Variants in TOM1L2 observed in about 807,000 individuals in gnomAD.
TOM1L2 encodes the protein TOM1-like protein 2.
Under a neutral mutation model 67.9 loss-of-function variants are expected in TOM1L2, and 31 were observed. The observed-to-expected ratio is 0.46, with a 90% CI of 0.34 to 0.62. The LOEUF (loss-of-function observed/expected upper bound fraction) is 0.62. Ranked by LOEUF, TOM1L2 falls within the 20% of genes least tolerant of loss-of-function variation. TOM1L2 has a pLI of 0.01. For missense variants in TOM1L2, 606 were observed against 663.5 expected (o/e 0.91, Z 0.95); for synonymous variants, 256 against 254.0 (o/e 1.01, Z -0.07).
chr17:17,867,536 G>A lies in TOM1L2; in HGVS notation c.912-612C>T, dbSNP rs191923008. Reference sequence around the variant, plus strand: ...GGGGAGTTGGCTTTGAGCAACTGTCGAAGGCCAGGTCATCCTCCTGTCAGG... The same window carrying A: ...GGGGAGTTGGCTTTGAGCAACTGTCAAAGGCCAGGTCATCCTCCTGTCAGG... On this transcript the variant is annotated intron_variant, in intron 8 of 14. Coordinates refer to ENST00000379504, the MANE Select transcript of TOM1L2 (RefSeq NM_001082968.2). Among the ~76,000 whole-genome samples, 5 of 152,350 alleles carry A rather than the reference G, an allele frequency of 3.3e-5. No homozygotes were observed. In the South Asian group the frequency reaches 6.2e-4, roughly 19 times the overall value.
chr17:17,882,398 G>A (rs1392483172), intron 6 of TOM1L2, among the ~76,000 whole-genome samples: 3 of 152,166 alleles, frequency 2.0e-5, no homozygotes, highest in African/African-American at 4.8e-5. Flanking sequence ...CTGAGCATGC[G>A]GTCTCACCTG....
rs1298210387 is a variant in TOM1L2 at position 17,847,455 on chromosome 17, AAAG to A, written c.*177_*179del. On this transcript the variant is annotated 3_prime_UTR_variant, in exon 15 of 15. Transcript: ENST00000379504. The stretch of plus-strand genomic sequence containing the variant: ...CTGCAGTTGTCCCACCACTCAGAGA[AAAG>A]AAGTGGCTGAAGCTGGTCCTGACTA... 9 of 754,664 alleles carry A rather than the reference AAAG, an allele frequency of 1.2e-5. No homozygotes were observed. In the East Asian group the frequency reaches 1.7e-4, roughly 14 times the overall value. The allele number at this position is 754,664 out of a possible 1,614,324, so 46.7% of individuals were successfully genotyped here. A position where few individuals can be genotyped will look rare whatever the true frequency, so the allele number is the denominator to read the frequency against.
intron 2 of TOM1L2, among the ~76,000 whole-genome samples, chr17:17,901,077 G>A (rs1170947434): frequency 6.6e-6 from 1 of 152,238 alleles, no homozygotes; most frequent in Non-Finnish European, 1.5e-5. Flanking sequence ...CAGACAGTCA[G>A]CAGCTTCCTG....
chr17:17,918,631 CT>C (rs2039729494), intron 1 of TOM1L2, among the ~76,000 whole-genome samples: 1 of 152,204 alleles, frequency 6.6e-6, no homozygotes. Context: ...TCTCTCCAGC[CT>C]ATCTGCCCAT....
intron 1 of TOM1L2, among the ~76,000 whole-genome samples, chr17:17,950,821 G>A (rs1483885122): frequency 6.6e-6 from 1 of 152,172 alleles, no homozygotes; most frequent in African/African-American, 2.4e-5. Flanking sequence ...TCATAGATAA[G>A]GGAAAACCAT....
chr17:17,872,741 A>C (rs2037215870), intron 7 of TOM1L2, among the ~76,000 whole-genome samples: 1 of 152,242 alleles, frequency 6.6e-6, no homozygotes, highest in Non-Finnish European at 1.5e-5. Flanking sequence ...TCTGATGAGC[A>C]AAAGGATCTC....
At position 17,862,792 on chromosome 17, in the gene TOM1L2, G is replaced by A. The variant is rs897638691; in HGVS notation, c.1141C>T (p.Arg381Cys). ...TLSSLQQCNPRDGFDMFAQTR... is the reference protein window; with the variant it reads ...TLSSLQQCNPCDGFDMFAQTR... ...TGGGCAAACATGTCAAAGCCGTCAC[G>A]GGGATTACATTGCTGGAGTGAACTG... Residue 381 changes from arginine to cysteine, a missense_variant, in exon 11 of 15, where the codon CGT (arginine) becomes TGT (cysteine). Coordinates refer to ENST00000379504, the MANE Select transcript of TOM1L2 (RefSeq NM_001082968.2). The A allele has an allele frequency of 8.1e-6, 13 of 1,614,032 alleles. No individual in the cohort carries two copies. The highest frequency in any genetic ancestry group is 1.6e-4 in the Middle Eastern group (1 of 6,066).
At chr17:17,867,039 T>C in intron 8 of TOM1L2, 115 bp from the exon 9 acceptor site, 1 of 968,838 alleles carries the variant, frequency 1.0e-6, no homozygotes, top group South Asian at 1.3e-5. Context: ...CAGTCCCACC[T>C]GGGGGCTAGG....
chr17:17,884,531 A>G lies in TOM1L2; in HGVS notation c.501+103T>C, dbSNP rs138142115. On this transcript the variant is annotated intron_variant, in intron 5 of 14. Transcript: ENST00000379504. ...CCCCGAGCTTTAAGAAAGCATGATG[A>G]CAAGCTGAATAATTCAAAGGCAGCA... The G allele has an allele frequency of 1.6e-4, 249 of 1,514,144 alleles. 1 individual carries two copies. In the African/African-American group the frequency reaches 2.4e-3, roughly 15 times the overall value. The allele number at this position is 1,514,144 out of a possible 1,614,324, so 93.8% of individuals were successfully genotyped here.
chr17:17,882,798 A>G lies in TOM1L2; in HGVS notation c.567T>C (p.Ala189=). Residue 189 remains alanine (A), a synonymous_variant, in exon 6 of 15, where the codon GCT becomes GCC. Transcript: ENST00000379504. The part of the protein sequence containing the change: ...PRSQSQQRTS[A]GSYSSPPPAP... ...CAGGAGGCGGCGAGGAATAGGAACC[A>G]GCACTTGTCCTCTGCTGTGATTGGG... is the stretch of plus-strand genomic sequence containing the variant. 1.9e-6 allele frequency: 3 copies of G among 1,614,214 alleles called. No homozygotes were observed. Among genetic ancestry groups the G allele is most frequent in the Non-Finnish European group, 2.5e-6 (3 of 1,180,032 alleles).
At chr17:17,890,422 T>C (rs796129390) in intron 4 of TOM1L2, among the ~76,000 whole-genome samples, 4 of 152,242 alleles carry the variant, frequency 2.6e-5, no homozygotes, top group African/African-American at 9.6e-5. Context: ...TATATTCCCA[T>C]TAAAAAGGAA....
At chr17:17,945,801 AAAG>A (rs2040923924) in intron 1 of TOM1L2, among the ~76,000 whole-genome samples, 1 of 152,226 alleles carries the variant, frequency 6.6e-6, no homozygotes, top group South Asian at 2.1e-4. Flanking sequence ...CTGGAAGAAA[AAAG>A]AAGAAAAGCT....
intron 1 of TOM1L2, among the ~76,000 whole-genome samples, chr17:17,928,180 A>G (rs1249231573): frequency 6.6e-6 from 1 of 152,050 alleles, no homozygotes; most frequent in Non-Finnish European, 1.5e-5. Context: ...AGTAGGAGAC[A>G]GCATAAAACC....
At chr17:17,918,247 T>C (rs1347419746) in intron 1 of TOM1L2, among the ~76,000 whole-genome samples, 1 of 152,084 alleles carries the variant, frequency 6.6e-6, no homozygotes, top group African/African-American at 2.4e-5. Flanking sequence ...TCTAGCAGTT[T>C]TTCTTTTTTT....
chr17:17,906,458 T>C (rs1176974812), intron 2 of TOM1L2, among the ~76,000 whole-genome samples: 1 of 151,992 alleles, frequency 6.6e-6, no homozygotes, highest in Admixed American at 6.6e-5. Flanking sequence ...CTATTTAACA[T>C]TGCTAATTCC....
At position 17,857,382 on chromosome 17, in the gene TOM1L2, T is replaced by C. The variant is rs547827465; in HGVS notation, c.1278+4094A>G. 9.8e-5 allele frequency among the ~76,000 whole-genome samples: 15 copies of C among 152,354 alleles called. No individual in the cohort carries two copies. In the South Asian group the frequency reaches 2.9e-3, roughly 29 times the overall value. ...CTGGGCTACAGAGGGCTTCCCTGACTGGTCAGATGCTTTGAGTCTGTTCCC... is the reference window on the plus strand; with the variant it reads ...CTGGGCTACAGAGGGCTTCCCTGACCGGTCAGATGCTTTGAGTCTGTTCCC... On this transcript the variant is annotated intron_variant, in intron 12 of 14. Transcript: ENST00000379504.
At position 17,960,619 on chromosome 17, in the gene TOM1L2, T is replaced by C. The variant is rs111430660; in HGVS notation, c.52+11643A>G. On this transcript the variant is annotated intron_variant, in intron 1 of 14. Transcript: ENST00000379504. ...GCCCAGAATACTAGTATTACAGGCA[T>C]GAGCCAGTGAGCCCAGCTGGTTATT... is the stretch of plus-strand genomic sequence containing the variant. 8.3e-3 allele frequency among the ~76,000 whole-genome samples: 1,257 copies of C among 152,330 alleles called. 20 individuals carry two copies. The highest frequency in any genetic ancestry group is 0.029 in the African/African-American group (1,211 of 41,566).
intron 1 of TOM1L2, among the ~76,000 whole-genome samples, chr17:17,938,663 T>C (rs79165753): frequency 1.7e-4 from 26 of 152,162 alleles, no homozygotes; most frequent in African/African-American, 4.8e-4. Context: ...AGCAGGCAGA[T>C]AGTCACAAAC....
In TOM1L2 at chr17:17,898,677, G is replaced by A. The variant is rs540666348; in HGVS notation, c.138-3C>T. 1.2e-6 allele frequency: 2 copies of A among 1,614,098 alleles called. No individual in the cohort carries two copies. Among genetic ancestry groups the A allele is most frequent in the African/African-American group, 1.3e-5 (1 of 75,018 alleles). ...GGGCTCGAATGGCATCCTTTGGCCT[G>A]GAAAAAAGAACAGACATATAAAGAT... On this transcript the variant is annotated splice_polypyrimidine_tract_variant and splice_region_variant and intron_variant, in intron 2 of 14. Coordinates refer to ENST00000379504, the MANE Select transcript of TOM1L2 (RefSeq NM_001082968.2).
Sources: allele counts gnomAD v4.1 joint callset (sites outside exome capture counted in the v4.1 genomes callset), GRCh38; gene constraint gnomAD v4.1.1; transcripts MANE v1.5; gene names NCBI Gene and HGNC (gene_info 2026-07-23, HGNC 2026-07-21).